The following HCRTR1 variants were observed in gnomAD, a reference collection of about 807,000 sequenced individuals.
The protein encoded by HCRTR1 is hypocretin receptor 1.
A neutral mutation model predicts 40.6 loss-of-function variants in HCRTR1; 28 were observed. That is an observed-to-expected ratio of 0.69 (90% confidence interval 0.51 to 0.95). HCRTR1 has a LOEUF of 0.95. Among genes scored for constraint, HCRTR1 ranks in the 40% least tolerant of loss-of-function variants. HCRTR1 has a pLI of 0.00. For missense variants in HCRTR1, 482 were observed against 564.7 expected (o/e 0.85, Z 1.48); for synonymous variants, 209 against 230.0 (o/e 0.91, Z 0.83).
Position 31,620,943 on chromosome 1 carries a change from G to T in HCRTR1, c.479G>T (p.Arg160Leu). The T allele has an allele frequency of 1.2e-6, 2 of 1,614,078 alleles. No individual in the cohort carries two copies. The highest frequency in any genetic ancestry group is 1.7e-6 in the Non-Finnish European group (2 of 1,180,032). Reference protein sequence around the residue: ...HPLLFKSTARRARGSILGIWA... With the variant: ...HPLLFKSTARLARGSILGIWA... ...CTATTGTTCAAGAGCACAGCCCGGC[G>T]GGCCCGTGGCTCCATCCTGGGCATC... The change falls in exon 5 of 9, where the codon CGG becomes CTG. Residue 160 changes from arginine (R) to leucine (L), a missense_variant. By Grantham distance (102) the Arg-to-Leu change is moderately radical. Transcript: ENST00000403528.
Position 31,618,737 on chromosome 1 carries a change from AAC to A in HCRTR1, c.-203-18_-203-17del. The A allele has an allele frequency of 5.9e-6, 1 of 169,408 alleles. No individual in the cohort carries two copies. The highest frequency in any genetic ancestry group is 1.8e-4 in the East Asian group (1 of 5,712). The allele number at this position is 169,408 out of a possible 1,614,324, so 10.5% of individuals were successfully genotyped here. On this transcript the variant is annotated splice_polypyrimidine_tract_variant and intron_variant, in intron 1 of 8. Coordinates refer to ENST00000403528, the MANE Select transcript of HCRTR1 (RefSeq NM_001525.3). ...TAATGGTAACCGGAAACGTCCCCGA[AAC>A]TACCTTCTCGTACCAGGTTCTTGGT... is the stretch of plus-strand genomic sequence containing the variant.
Position 31,627,090 on chromosome 1 carries a change from G to C in HCRTR1, c.*110G>C. On this transcript the variant is annotated 3_prime_UTR_variant, in exon 9 of 9. Transcript: ENST00000403528. ...GCTTCAGTCCTGGGTTTCTGCCTGT[G>C]TGACTCTGGATAAGTCACTTCCTCT... 6.7e-7 allele frequency: 1 copy of C among 1,492,880 alleles called. No individual in the cohort carries two copies. The highest frequency in any genetic ancestry group is 1.3e-5 in the South Asian group (1 of 76,034). The allele number at this position is 1,492,880 out of a possible 1,614,324, so 92.5% of individuals were successfully genotyped here.
chr1:31,632,461 G>T (rs769540782), downstream of HCRTR1: 1 of 1,614,092 alleles, frequency 6.2e-7, no homozygotes, highest in African/African-American at 1.3e-5. Context: ...GTCTAGCTCT[G>T]TCCTGCCCAT....
In HCRTR1 at chr1:31,627,312, C is replaced by A; in HGVS notation, c.*332C>A. 1.5e-6 allele frequency: 2 copies of A among 1,307,070 alleles called. No homozygotes were observed. Among genetic ancestry groups the A allele is most frequent in the Non-Finnish European group, 2.0e-6 (2 of 998,296 alleles). 81.0% of individuals were successfully genotyped at this position (1,307,070 alleles called of 1,614,324 possible). A position where few individuals can be genotyped will look rare whatever the true frequency, so the allele number is the denominator to read the frequency against. ...CATCCTCCTAAAGACCCCTTTCCTA[C>A]CCAATTACAGGCCTTCCCTGGAGTC... On this transcript the variant is annotated 3_prime_UTR_variant, in exon 9 of 9. Coordinates refer to ENST00000403528, the MANE Select transcript of HCRTR1 (RefSeq NM_001525.3).
At chr1:31,633,386 A>C, downstream of HCRTR1, 1 of 1,465,886 alleles carries the variant, frequency 6.8e-7, no homozygotes, top group Non-Finnish European at 9.2e-7. Context: ...TCCTGGCTAC[A>C]GGTTTCTCCT....
chr1:31,618,580 G>A (rs1173888645), intron 1 of HCRTR1, among the ~76,000 whole-genome samples, 176 bp from the exon 2 acceptor site: 1 of 152,044 alleles, frequency 6.6e-6, no homozygotes, highest in Non-Finnish European at 1.5e-5. Flanking sequence ...ATTTGCAATC[G>A]GGATGGCTTC....
At chr1:31,631,343 G>A (rs766364670), downstream of HCRTR1, among the ~76,000 whole-genome samples, 5 of 152,130 alleles carry the variant, frequency 3.3e-5, no homozygotes, top group Non-Finnish European at 5.9e-5. Flanking sequence ...GGATTAAAAC[G>A]GGTGATCATG....
chr1:31,619,817 G>C (rs1329829409), intron 4 of HCRTR1, 107 bp downstream of exon 4: 1 of 1,036,520 alleles, frequency 9.6e-7, no homozygotes, highest in Non-Finnish European at 1.4e-6. Context: ...AGACAGGTCA[G>C]TGGCTCATGA....
At chr1:31,624,632 A>ACTTC (rs2148611380) in intron 7 of HCRTR1, among the ~76,000 whole-genome samples, 1 of 152,194 alleles carries the variant, frequency 6.6e-6, no homozygotes, top group South Asian at 2.1e-4. Flanking sequence ...GTGCTTGGCC[A>ACTTC]CTTCCTGGTT....
At chr1:31,618,600 A>C (rs970345281) in intron 1 of HCRTR1, among the ~76,000 whole-genome samples, 156 bp from the exon 2 acceptor site, 52 of 152,146 alleles carry the variant, frequency 3.4e-4, no homozygotes, top group African/African-American at 1.2e-3. Flanking sequence ...CTCCTCCCAA[A>C]TCTACGGTGT....
chr1:31,630,960 C>A (rs1221901952), downstream of HCRTR1: 5 of 837,570 alleles, frequency 6.0e-6, no homozygotes, highest in Non-Finnish European at 9.6e-6. Flanking sequence ...CACAGAAGCA[C>A]AAAGAGGGTA....
Position 31,625,510 on chromosome 1 carries a change from G to A in HCRTR1, c.1087+392G>A, listed in dbSNP as rs951240512. Among the ~76,000 whole-genome samples, 3 of 152,226 alleles carry A rather than the reference G, an allele frequency of 2.0e-5. No homozygotes were observed. Among genetic ancestry groups the A allele is most frequent in the East Asian group, 1.9e-4 (1 of 5,192 alleles). On this transcript the variant is annotated intron_variant, in intron 8 of 8. Transcript: ENST00000403528. This position sits in a 1 kb window ranked among gnomAD's most constrained non-coding sequence, Gnocchi z 4.2. ...GAGGAGGGCCCTGGAGCCCCTGCCC[G>A]AGGAAGGATTGCACAGTCCAGGTGT...
rs763715743 is a variant in HCRTR1, at chr1:31,619,245, G to A, written c.53G>A (p.Arg18Lys). Residue 18 changes from arginine to lysine, a missense_variant, in exon 3 of 9, where the codon AGA (arginine) becomes AAA (lysine). Physicochemically the swap from Arg to Lys is conservative, Grantham distance 26 (BLOSUM62 2). Coordinates refer to ENST00000403528, the MANE Select transcript of HCRTR1 (RefSeq NM_001525.3). The stretch of plus-strand genomic sequence containing the variant: ...CAGATGGGGGTCCCCCCTGGCAGCA[G>A]AGAGCCGTCCCCTGTGCCTCCAGAC... The part of the protein sequence containing the change: ...GAQMGVPPGS[R>K]EPSPVPPDYE... The A allele has an allele frequency of 6.2e-7, 1 of 1,613,754 alleles. No individual in the cohort carries two copies. The highest frequency in any genetic ancestry group is 8.5e-7 in the Non-Finnish European group (1 of 1,180,024).
At chr1:31,628,113 G>A (rs984958656), downstream of HCRTR1, among the ~76,000 whole-genome samples, 7 of 152,160 alleles carry the variant, frequency 4.6e-5, no homozygotes, top group Non-Finnish European at 8.8e-5. Flanking sequence ...CTACTCTGCT[G>A]AGAGGAACAG....
At chr1:31,623,427 C>T (rs1332871539) in intron 6 of HCRTR1, 96 bp from the exon 7 acceptor site, 2 of 1,000,416 alleles carry the variant, frequency 2.0e-6, no homozygotes, top group Admixed American at 2.8e-5. Context: ...CCATCTCCAC[C>T]CTGCCCGGGG....
At position 31,626,547 on chromosome 1, in the gene HCRTR1, G is replaced by C. The variant is rs190352725; in HGVS notation, c.1088-243G>C. On this transcript the variant is annotated intron_variant, in intron 8 of 8. Transcript: ENST00000403528. The surrounding 1 kb of genome is among the most constrained non-coding windows in gnomAD (Gnocchi z 4.6). ...ACGTTTTGAGTCAGCCTCCGAGCCAGAGCACAGTCAAGGAATCAGATGGCA... is the reference window on the plus strand; with the variant it reads ...ACGTTTTGAGTCAGCCTCCGAGCCACAGCACAGTCAAGGAATCAGATGGCA... Among the ~76,000 whole-genome samples the C allele has an allele frequency of 2.6e-5, 4 of 152,272 alleles. No individual in the cohort carries two copies. The highest frequency in any genetic ancestry group is 6.5e-5 in the Admixed American group (1 of 15,292).
Position 31,626,674 on chromosome 1 carries a change from C to G in HCRTR1, c.1088-116C>G. ...CTCCCTCCCAGCTCTATCCCTCCCT[C>G]CCTCCCCGCCCCCTCATAGGCAGCT... is the stretch of plus-strand genomic sequence containing the variant. On this transcript the variant is annotated intron_variant, in intron 8 of 8. Transcript: ENST00000403528. The surrounding 1 kb of genome is among the most constrained non-coding windows in gnomAD (Gnocchi z 4.6). The G allele has an allele frequency of 4.0e-6, 2 of 497,356 alleles. 1 individual carries two copies. Among genetic ancestry groups the G allele is most frequent in the Non-Finnish European group, 7.1e-6 (2 of 281,074 alleles). The allele number at this position is 497,356 out of a possible 1,614,324, so 30.8% of individuals were successfully genotyped here.
Position 31,623,713 on chromosome 1 carries a change from G to C in HCRTR1, c.929G>C (p.Cys310Ser), listed in dbSNP as rs912860799. Residue 310 changes from cysteine (C) to serine (S), a missense_variant, in exon 7 of 9, where the codon TGC becomes TCC. Cys to Ser is a moderately radical substitution (Grantham distance 112, BLOSUM62 -1). Transcript: ENST00000403528. ...GTGGTGCTGCTGGTCTTCGCCCTCTGCTACCTGCCCATCAGCGTCCTCAAT... is the reference window on the plus strand; with the variant it reads ...GTGGTGCTGCTGGTCTTCGCCCTCTCCTACCTGCCCATCAGCGTCCTCAAT... ...LMVVLLVFAL[C>S]YLPISVLNVL... is the part of the protein sequence containing the mutation. 1.2e-6 allele frequency: 2 copies of C among 1,614,188 alleles called. No individual in the cohort carries two copies.
Position 31,627,180 on chromosome 1 carries a change from G to T in HCRTR1, c.*200G>T. The T allele has an allele frequency of 6.9e-7, 1 of 1,457,066 alleles. No individual in the cohort carries two copies. Among genetic ancestry groups the T allele is most frequent in the Non-Finnish European group, 9.1e-7 (1 of 1,094,998 alleles). The allele number at this position is 1,457,066 out of a possible 1,614,324, so 90.3% of individuals were successfully genotyped here. On this transcript the variant is annotated 3_prime_UTR_variant, in exon 9 of 9. Coordinates refer to ENST00000403528, the MANE Select transcript of HCRTR1 (RefSeq NM_001525.3). ...TTAAGCATGCTGAAGCAAGTGGAAA[G>T]CTCCTTGTAAACTGTGAAGTGTTGT...
Sources: allele counts gnomAD v4.1 joint callset (sites outside exome capture counted in the v4.1 genomes callset), GRCh38; gene constraint gnomAD v4.1.1; non-coding constraint Gnocchi (gnomAD v3.1); transcripts MANE v1.5; gene names NCBI Gene and HGNC (gene_info 2026-07-23, HGNC 2026-07-21).